Variants in SPAG16 observed in about 807,000 individuals in gnomAD.
SPAG16 encodes the protein sperm associated antigen 16, also known as sperm-associated antigen 16 protein.
A neutral mutation model predicts 80.4 loss-of-function variants in SPAG16; 86 were observed. The ratio of observed to expected loss-of-function variants is 1.07; its 90% confidence interval spans 0.90 to 1.28. The LOEUF is 1.28. Ranked by LOEUF, SPAG16 falls within the 50% of genes most tolerant of loss-of-function variation. The probability of loss-of-function intolerance (pLI) is 0.00; values close to 1 mark genes in which losing one functional copy is unlikely to be tolerated. For synonymous variants in SPAG16, 294 were observed against 265.9 expected (o/e 1.11, Z -1.03); for missense variants, 870 against 765.3 (o/e 1.14, Z -1.61).
rs930106956 is a variant in SPAG16 at position 214,359,571 on chromosome 2, A to G, written c.1721-50569A>G. Among the ~76,000 whole-genome samples the G allele has an allele frequency of 2.6e-5, 4 of 151,890 alleles. No individual in the cohort carries two copies. The South Asian group carries it at 8.3e-4, about 31-fold the overall frequency. ...CATGCCTATCCTGTATTTCTTCATC[A>G]ATTGCAGATGAACTATTAACTTTCA... On this transcript the variant is annotated intron_variant, in intron 15 of 15. Coordinates refer to ENST00000331683, the MANE Select transcript of SPAG16 (RefSeq NM_024532.5).
intron 10 of SPAG16, among the ~76,000 whole-genome samples, chr2:213,799,850 C>T (rs1221240006): frequency 6.7e-6 from 1 of 149,492 alleles, no homozygotes; most frequent in Non-Finnish European, 1.5e-5. Flanking sequence ...CAATAGGAAA[C>T]ATATAACTAC....
intron 15 of SPAG16, among the ~76,000 whole-genome samples, chr2:214,370,969 G>A (rs1699776518): frequency 6.6e-6 from 1 of 152,126 alleles, no homozygotes; most frequent in South Asian, 2.1e-4. Flanking sequence ...ACTCGTAGCT[G>A]AATGTTCCAC....
chr2:214,114,380 G>A (rs563033392), intron 14 of SPAG16, among the ~76,000 whole-genome samples: 15 of 152,346 alleles, frequency 9.8e-5, no homozygotes, highest in African/African-American at 2.9e-4. Flanking sequence ...AGACAGGGAC[G>A]TTTAAGTCTG....
chr2:214,312,779 A>G (rs1196389069), intron 15 of SPAG16, among the ~76,000 whole-genome samples: 2 of 152,164 alleles, frequency 1.3e-5, no homozygotes, highest in Admixed American at 1.3e-4. Context: ...CTGAAGTATC[A>G]TTTAGATATT....
At chr2:213,908,748 C>CTTTT (rs55710221) in intron 11 of SPAG16, among the ~76,000 whole-genome samples, 6 of 144,238 alleles carry the variant, frequency 4.2e-5, no homozygotes, top group Admixed American at 3.5e-4. Flanking sequence ...CAAGATCATT[C>CTTTT]TTTTTTTTTG....
intron 15 of SPAG16, among the ~76,000 whole-genome samples, chr2:214,211,773 A>C (rs1241187850): frequency 6.6e-6 from 1 of 152,158 alleles, no homozygotes; most frequent in Non-Finnish European, 1.5e-5. Flanking sequence ...ATTGTCAAGT[A>C]AGCTTGCTCC....
At chr2:213,417,029 G>A (rs1221509035) in intron 9 of SPAG16, among the ~76,000 whole-genome samples, 1 of 152,194 alleles carries the variant, frequency 6.6e-6, no homozygotes, top group Non-Finnish European at 1.5e-5. Context: ...ACTCTGGGAT[G>A]ATTAAAGCAG....
chr2:213,677,317 A>T (rs1287040259), intron 10 of SPAG16, among the ~76,000 whole-genome samples: 1 of 152,204 alleles, frequency 6.6e-6, no homozygotes, highest in African/African-American at 2.4e-5. Flanking sequence ...AAAGACACAG[A>T]CTGGTAAATT....
chr2:214,112,100 T>C (rs1429484685), intron 14 of SPAG16, among the ~76,000 whole-genome samples: 1 of 152,174 alleles, frequency 6.6e-6, no homozygotes, highest in Non-Finnish European at 1.5e-5. Flanking sequence ...GGTTGTTCAG[T>C]TTCCATGTAG....
chr2:213,327,937 G>C (rs1188626730), intron 5 of SPAG16, among the ~76,000 whole-genome samples: 1 of 152,126 alleles, frequency 6.6e-6, no homozygotes, highest in Non-Finnish European at 1.5e-5. Context: ...GCAAGACTAT[G>C]TAAGCCACTT....
intron 15 of SPAG16, among the ~76,000 whole-genome samples, chr2:214,380,760 C>T (rs1473709036): frequency 4.6e-5 from 7 of 152,214 alleles, no homozygotes; most frequent in Non-Finnish European, 8.8e-5. Flanking sequence ...CACAGCATGT[C>T]GGGCAGCAGC....
In SPAG16 at chr2:214,115,520, A is replaced by G. The variant is rs373426407; in HGVS notation, c.1593+7259A>G. Reference sequence around the variant, plus strand: ...GTAGGAATCACACATGTAAAACTCAATGTTATCAAGCTAGCAATCTAGATT... The same window carrying G: ...GTAGGAATCACACATGTAAAACTCAGTGTTATCAAGCTAGCAATCTAGATT... On this transcript the variant is annotated intron_variant, in intron 14 of 15. Transcript: ENST00000331683. 7.8e-4 allele frequency among the ~76,000 whole-genome samples: 119 copies of G among 152,302 alleles called. 4 individuals carry two copies. The South Asian group carries it at 0.022, about 28-fold the overall frequency.
intron 11 of SPAG16, among the ~76,000 whole-genome samples, chr2:213,888,302 G>A (rs1299598321): frequency 6.6e-6 from 1 of 151,756 alleles, no homozygotes; most frequent in East Asian, 1.9e-4. Flanking sequence ...CAAAGCTCCT[G>A]TTTATAAGTT....
At chr2:213,709,087 C>T (rs2065873626) in intron 10 of SPAG16, among the ~76,000 whole-genome samples, 1 of 152,080 alleles carries the variant, frequency 6.6e-6, no homozygotes, top group African/African-American at 2.4e-5. Flanking sequence ...GTAAAAGGTC[C>T]CAAACTATAA....
At chr2:214,161,867 A>C (rs937052808) in intron 15 of SPAG16, among the ~76,000 whole-genome samples, 2 of 152,140 alleles carry the variant, frequency 1.3e-5, no homozygotes, top group Admixed American at 1.3e-4. Flanking sequence ...AATTTAAAAA[A>C]TTTTTAAAAA....
At chr2:214,245,396 T>C (rs1426545510) in intron 15 of SPAG16, among the ~76,000 whole-genome samples, 2 of 152,164 alleles carry the variant, frequency 1.3e-5, no homozygotes, top group African/African-American at 4.8e-5. Flanking sequence ...TTGTAGGGCC[T>C]AAGTCCTGTA....
chr2:213,589,646 G>A (rs2060609513), intron 10 of SPAG16, among the ~76,000 whole-genome samples: 1 of 152,106 alleles, frequency 6.6e-6, no homozygotes, highest in Admixed American at 6.5e-5. Context: ...TTTGGGCTGG[G>A]CGTGATGGCT....
chr2:213,556,142 A>G (rs1484102463), intron 10 of SPAG16, among the ~76,000 whole-genome samples: 1 of 151,978 alleles, frequency 6.6e-6, no homozygotes, highest in Admixed American at 6.6e-5. Context: ...AAATCAGTAA[A>G]GAAGACAGCT....
intron 9 of SPAG16, among the ~76,000 whole-genome samples, chr2:213,426,836 T>TACACAC (rs199604984): frequency 0.06 from 7,481 of 125,504 alleles, 219 homozygotes; most frequent in East Asian, 0.15. Flanking sequence ...TTCTGATACA[T>TACACAC]ACACACACAC....
Sources: allele counts gnomAD v4.1 joint callset (sites outside exome capture counted in the v4.1 genomes callset), GRCh38; gene constraint gnomAD v4.1.1; transcripts MANE v1.5; gene names NCBI Gene and HGNC (gene_info 2026-07-23, HGNC 2026-07-21).